The following KLHL2 variants were observed in gnomAD, a reference collection of about 807,000 sequenced individuals.
KLHL2 encodes the protein kelch like family member 2.
A neutral mutation model predicts 75.8 loss-of-function variants in KLHL2; 15 were observed. The observed-to-expected ratio is 0.20, with a 90% CI of 0.13 to 0.30. The LOEUF is 0.30. Ranked by LOEUF, KLHL2 falls within the 10% of genes least tolerant of loss-of-function variation. The pLI, the probability that KLHL2 is intolerant of heterozygous loss-of-function variation, is 1.00. For missense variants in KLHL2, 381 were observed against 741.0 expected (o/e 0.51, Z 5.64); for synonymous variants, 214 against 251.9 (o/e 0.85, Z 1.42).
intron 5 of KLHL2, among the ~76,000 whole-genome samples, chr4:165,285,019 A>G (rs1743979820): frequency 6.6e-6 from 1 of 152,200 alleles, no homozygotes; most frequent in South Asian, 2.1e-4. Flanking sequence ...ATCTCCCACC[A>G]GGTCCCTCCC....
chr4:165,292,722 C>A (rs1744611426), intron 5 of KLHL2, among the ~76,000 whole-genome samples: 1 of 151,924 alleles, frequency 6.6e-6, no homozygotes, highest in African/African-American at 2.4e-5. Context: ...GCCAACTGTT[C>A]CTTTTTATGG....
At chr4:165,255,441 C>G (rs2111191868) in intron 4 of KLHL2, among the ~76,000 whole-genome samples, 1 of 151,858 alleles carries the variant, frequency 6.6e-6, no homozygotes, top group African/African-American at 2.4e-5. Context: ...ATACCTATTC[C>G]TAGGGGTGGA....
At chr4:165,239,302 C>G (rs1025103397) in intron 4 of KLHL2, among the ~76,000 whole-genome samples, 2 of 142,436 alleles carry the variant, frequency 1.4e-5, no homozygotes, top group Admixed American at 1.5e-4. Flanking sequence ...CTTGGTCTGT[C>G]TCTCAGGGTG....
intron 5 of KLHL2, among the ~76,000 whole-genome samples, chr4:165,288,811 T>C (rs1200158175): frequency 6.6e-6 from 1 of 151,854 alleles, no homozygotes; most frequent in Admixed American, 6.6e-5. Flanking sequence ...TAGCATACTG[T>C]TTCATAATAG....
At position 165,207,709 on chromosome 4, in the gene KLHL2, C is replaced by G. The variant is rs1458510780; in HGVS notation, c.-168C>G. 5.8e-5 allele frequency: 16 copies of G among 277,214 alleles called. No individual in the cohort carries two copies. The highest frequency in any genetic ancestry group is 9.6e-5 in the Non-Finnish European group (16 of 167,058). 17.2% of individuals were successfully genotyped at this position (277,214 alleles called of 1,614,324 possible). ...GCGCGCCCGGCCGAGCGGGCCATGGCCGCGGGGGCCGCCGCCGCAGGTGGT... is the reference window on the plus strand; with the variant it reads ...GCGCGCCCGGCCGAGCGGGCCATGGGCGCGGGGGCCGCCGCCGCAGGTGGT... On this transcript the variant is annotated 5_prime_UTR_variant, in exon 1 of 15. Coordinates refer to ENST00000226725, the MANE Select transcript of KLHL2 (RefSeq NM_007246.4). The surrounding 1 kb of genome is among the most constrained non-coding windows in gnomAD (Gnocchi z 4.2).
At chr4:165,287,766 A>G (rs1291991578) in intron 5 of KLHL2, among the ~76,000 whole-genome samples, 1 of 152,018 alleles carries the variant, frequency 6.6e-6, no homozygotes, top group Non-Finnish European at 1.5e-5. Context: ...GTTATGTTGA[A>G]CATCTATCAT....
intron 4 of KLHL2, among the ~76,000 whole-genome samples, chr4:165,259,109 T>C (rs1741441481): frequency 6.6e-6 from 1 of 152,094 alleles, no homozygotes; most frequent in South Asian, 2.1e-4. Context: ...ATATTCTTTT[T>C]TTTTTTTCTT....
At chr4:165,316,961 A>G (rs148295136) in intron 13 of KLHL2, among the ~76,000 whole-genome samples, 16 of 152,270 alleles carry the variant, frequency 1.1e-4, no homozygotes, top group Admixed American at 6.5e-4. Context: ...GTAGAGATCA[A>G]AATTTTAATG....
rs536810030 is a variant in KLHL2, at chr4:165,214,123, C to T, written c.27-5811C>T. ...TGGGCTTCTTTCTGATTCTGGTTCT[C>T]ATCTAGTACCTTTTCATTTCAGTGC... is the stretch of plus-strand genomic sequence containing the variant. On this transcript the variant is annotated intron_variant, in intron 1 of 14. Transcript: ENST00000226725. 2.6e-5 allele frequency among the ~76,000 whole-genome samples: 4 copies of T among 152,288 alleles called. No individual in the cohort carries two copies. In the South Asian group the frequency reaches 8.3e-4, roughly 32 times the overall value.
chr4:165,234,948 G>A (rs1739211665), intron 3 of KLHL2, among the ~76,000 whole-genome samples: 1 of 152,042 alleles, frequency 6.6e-6, no homozygotes, highest in Non-Finnish European at 1.5e-5. Flanking sequence ...GCAGTGAGCT[G>A]TGATTACGCA....
intron 2 of KLHL2, among the ~76,000 whole-genome samples, chr4:165,222,244 G>A (rs1334362558): frequency 6.6e-6 from 1 of 152,298 alleles, no homozygotes; most frequent in South Asian, 2.1e-4. Flanking sequence ...GAGAGGAATG[G>A]ACAGGATGGT....
At chr4:165,214,825 G>A (rs1737426769) in intron 1 of KLHL2, among the ~76,000 whole-genome samples, 1 of 151,504 alleles carries the variant, frequency 6.6e-6, no homozygotes, top group South Asian at 2.1e-4. Context: ...AACTATATAT[G>A]TTTAAAATAT....
chr4:165,321,984 A>G (rs1490140642), intron 14 of KLHL2, 48 bp from the exon 15 acceptor site: 3 of 1,567,968 alleles, frequency 1.9e-6, no homozygotes, highest in African/African-American at 2.7e-5. Context: ...TCAGAGATAC[A>G]GAGTGCTGCC....
intron 5 of KLHL2, chr4:165,279,068 C>A (rs1242278656): frequency 1.2e-5 from 18 of 1,519,054 alleles, no homozygotes; most frequent in Non-Finnish European, 1.6e-5. Context: ...ACAGTGGACA[C>A]CTCCATTGAC....
chr4:165,248,301 G>T (rs1740423529), intron 4 of KLHL2, among the ~76,000 whole-genome samples: 1 of 152,170 alleles, frequency 6.6e-6, no homozygotes, highest in Non-Finnish European at 1.5e-5. Flanking sequence ...GTTTTAAAAA[G>T]TTCTCTCTCT....
At chr4:165,300,148 G>C (rs939995793) in intron 8 of KLHL2, among the ~76,000 whole-genome samples, 6 of 152,006 alleles carry the variant, frequency 3.9e-5, no homozygotes, top group African/African-American at 1.4e-4. Context: ...AATTAGCCAC[G>C]TGTGGTGGCA....
chr4:165,232,036 A>G (rs760612692), intron 3 of KLHL2, among the ~76,000 whole-genome samples: 1 of 152,176 alleles, frequency 6.6e-6, no homozygotes, highest in African/African-American at 2.4e-5. Flanking sequence ...CTATATGCTT[A>G]TTATTTAGGC....
intron 5 of KLHL2, among the ~76,000 whole-genome samples, chr4:165,290,571 G>A (rs1744433601): frequency 1.3e-5 from 2 of 152,114 alleles, no homozygotes; most frequent in South Asian, 2.1e-4. Context: ...AACTTCCTTA[G>A]TGTATAATTT....
intron 5 of KLHL2, among the ~76,000 whole-genome samples, chr4:165,267,738 A>G (rs1309520931): frequency 6.6e-6 from 1 of 152,176 alleles, no homozygotes; most frequent in Non-Finnish European, 1.5e-5. Flanking sequence ...GGATTTTTGC[A>G]TCGATGTTCA....
Sources: allele counts gnomAD v4.1 joint callset (sites outside exome capture counted in the v4.1 genomes callset), GRCh38; gene constraint gnomAD v4.1.1; non-coding constraint Gnocchi (gnomAD v3.1); transcripts MANE v1.5; gene names NCBI Gene and HGNC (gene_info 2026-07-23, HGNC 2026-07-21).